Variants in ATP11C observed in about 807,000 individuals in gnomAD.
ATP11C encodes phospholipid-transporting ATPase IG.
In ATP11C, 36 loss-of-function variants were observed where a neutral mutation model predicts 97.4. The ratio of observed to expected loss-of-function variants is 0.37; its 90% confidence interval spans 0.28 to 0.49. The LOEUF (loss-of-function observed/expected upper bound fraction) is 0.49, where lower values mean the gene tolerates loss of function less well. Among genes scored for constraint, ATP11C ranks in the 20% least tolerant of loss-of-function variants. The pLI is 0.98. For missense variants in ATP11C, 730 were observed against 824.6 expected (o/e 0.89, Z 1.40); for synonymous variants, 275 against 290.9 (o/e 0.95, Z 0.56).
chrX:139,817,646 T>C (rs759543910), intron 3 of ATP11C, among the ~76,000 whole-genome samples: 10 of 112,235 alleles, frequency 8.9e-5, no homozygotes, highest in Non-Finnish European at 1.3e-4. Flanking sequence ...GGAAGATGAA[T>C]TAGAAGGGAA....
intron 1 of ATP11C, among the ~76,000 whole-genome samples, chrX:139,844,075 C>G (rs935496045): frequency 9.9e-5 from 11 of 111,539 alleles, no homozygotes; most frequent in Non-Finnish European, 1.9e-5. Context: ...CTTTGCGAAA[C>G]AGAAACAGAG....
intron 1 of ATP11C, among the ~76,000 whole-genome samples, chrX:139,860,728 GA>G (rs1270203428): frequency 1.8e-5 from 2 of 112,271 alleles, no homozygotes; most frequent in Non-Finnish European, 3.8e-5. Context: ...TGAGGCAGAA[GA>G]ATCGCTTGAA....
chrX:139,803,981 G>A (rs2082988587), intron 6 of ATP11C, among the ~76,000 whole-genome samples: 2 of 110,133 alleles, frequency 1.8e-5, no homozygotes, highest in African/African-American at 6.6e-5. Context: ...GATTACAGGC[G>A]TGAGCCACCG....
chrX:139,790,725 G>A (rs1219062987), intron 12 of ATP11C, among the ~76,000 whole-genome samples: 2 of 111,144 alleles, frequency 1.8e-5, no homozygotes, highest in Non-Finnish European at 3.8e-5. Context: ...ATACAGTATA[G>A]GTCAGTAGTG....
chrX:139,787,492 T>C (rs919522525), intron 14 of ATP11C, among the ~76,000 whole-genome samples: 1 of 111,478 alleles, frequency 9.0e-6, no homozygotes, highest in Non-Finnish European at 1.9e-5. Context: ...GAGACAGAGT[T>C]TCACCATGTT....
intron 13 of ATP11C, 51 bp from the exon 14 acceptor site, chrX:139,788,394 G>T: frequency 1.9e-6 from 2 of 1,061,201 alleles, no homozygotes; most frequent in Non-Finnish European, 2.6e-6. Context: ...TGATCACCCG[G>T]TAACTAGGCA....
At chrX:139,887,970 C>CA (rs751646437) in intron 1 of ATP11C, among the ~76,000 whole-genome samples, 1,824 of 45,419 alleles carry the variant, frequency 0.04, 31 homozygotes, top group Admixed American at 0.082. Context: ...GACTCCGTCT[C>CA]AAAAAAAAAA....
At chrX:139,842,745 T>C (rs184273411) in intron 1 of ATP11C, among the ~76,000 whole-genome samples, 4 of 112,296 alleles carry the variant, frequency 3.6e-5, no homozygotes, top group Non-Finnish European at 7.5e-5. Flanking sequence ...TCTTGTGATC[T>C]AGAATACGAT....
At chrX:139,935,873 C>T (rs1416943197), upstream of ATP11C, among the ~76,000 whole-genome samples, 1 of 110,971 alleles carries the variant, frequency 9.0e-6, no homozygotes, top group Non-Finnish European at 1.9e-5. Flanking sequence ...ACCTGTAATC[C>T]CAGCTACTCG....
chrX:139,927,501 G>T (rs2085370584), intron 1 of ATP11C, among the ~76,000 whole-genome samples: 1 of 111,281 alleles, frequency 9.0e-6, no homozygotes, highest in South Asian at 3.8e-4. Context: ...CTACTAGGGG[G>T]GCTGAGGCAG....
chrX:139,741,408 G>C (rs766162048), intron 26 of ATP11C, among the ~76,000 whole-genome samples: 1 of 110,819 alleles, frequency 9.0e-6, no homozygotes, highest in Non-Finnish European at 1.9e-5. Flanking sequence ...GTAATATCTA[G>C]GAGGCCCAAG....
Position 139,783,042 on chromosome X carries a change from C to T in ATP11C, c.1770+122G>A, listed in dbSNP as rs181956693. 5.2e-5 allele frequency: 27 copies of T among 521,178 alleles called. No individual in the cohort carries two copies. In the East Asian group the frequency reaches 9.8e-4, roughly 19 times the overall value. The allele number at this position is 521,178 out of a possible 1,213,427, so 43.0% of individuals were successfully genotyped here. A position where few individuals can be genotyped will look rare whatever the true frequency, so the allele number is the denominator to read the frequency against. ...TATTATCAAATCCCCAAATACAAAA[C>T]ATAGACCACAAAAATAAGCTAAAAT... On this transcript the variant is annotated intron_variant, in intron 17 of 29. Transcript: ENST00000682941.
intron 18 of ATP11C, among the ~76,000 whole-genome samples, chrX:139,782,320 C>CT (rs1371745680): frequency 9.5e-6 from 1 of 105,399 alleles, no homozygotes; most frequent in Admixed American, 1.0e-4. Flanking sequence ...GAGCGAGACT[C>CT]TGTCTCAAAA....
intron 19 of ATP11C, among the ~76,000 whole-genome samples, chrX:139,771,556 A>G (rs2082255522): frequency 9.0e-6 from 1 of 111,568 alleles, no homozygotes; most frequent in Admixed American, 9.5e-5. Context: ...CCTCCTAGAC[A>G]CTTGTTGAAT....
chrX:139,825,364 C>G (rs2083507078), intron 2 of ATP11C, among the ~76,000 whole-genome samples: 1 of 111,604 alleles, frequency 9.0e-6, no homozygotes, highest in Admixed American at 9.6e-5. Flanking sequence ...TTTAGCTCTA[C>G]AAGTCCACAA....
chrX:139,884,138 G>A (rs894295018), intron 1 of ATP11C, among the ~76,000 whole-genome samples: 1 of 111,552 alleles, frequency 9.0e-6, no homozygotes, highest in South Asian at 3.8e-4. Flanking sequence ...ATTCCCAGAA[G>A]GCTATTGATT....
At chrX:139,835,005 C>A (rs2083725386) in intron 1 of ATP11C, among the ~76,000 whole-genome samples, 1 of 112,223 alleles carries the variant, frequency 8.9e-6, no homozygotes, top group Non-Finnish European at 1.9e-5. Context: ...TTGGGCAATG[C>A]TACTGTAATA....
At chrX:139,879,777 A>T (rs1444514863) in intron 1 of ATP11C, among the ~76,000 whole-genome samples, 1 of 112,300 alleles carries the variant, frequency 8.9e-6, no homozygotes, top group African/African-American at 3.2e-5. Flanking sequence ...AGACTTTGGC[A>T]TAGAGGCAAC....
At chrX:139,774,394 G>A (rs182520477) in intron 19 of ATP11C, among the ~76,000 whole-genome samples, 1 of 111,825 alleles carries the variant, frequency 8.9e-6, no homozygotes, top group East Asian at 2.8e-4. Context: ...TCTTAACATG[G>A]ACCAGGCCAG....
Sources: allele counts gnomAD v4.1 joint callset (sites outside exome capture counted in the v4.1 genomes callset), GRCh38; gene constraint gnomAD v4.1.1; transcripts MANE v1.5; gene names NCBI Gene and HGNC (gene_info 2026-07-23, HGNC 2026-07-21).